Variants in SYN3 observed in about 807,000 individuals in gnomAD.
SYN3 encodes synapsin III.
Under a neutral mutation model 65.8 loss-of-function variants are expected in SYN3, and 35 were observed. The observed-to-expected ratio is 0.53, with a 90% CI of 0.41 to 0.70. SYN3 has a LOEUF of 0.70. Ranked by LOEUF, SYN3 falls within the 30% of genes least tolerant of loss-of-function variation. The pLI is 0.00. For missense variants in SYN3, 680 were observed against 749.0 expected (o/e 0.91, Z 1.08); for synonymous variants, 270 against 292.9 (o/e 0.92, Z 0.80).
intron 1 of SYN3, among the ~76,000 whole-genome samples, chr22:33,027,576 G>A (rs2053659166): frequency 2.0e-5 from 3 of 151,738 alleles, no homozygotes; most frequent in Admixed American, 2.0e-4. Context: ...CAGCCTGGGC[G>A]ACAGAGTGAG....
chr22:32,654,986 A>G (rs1306391277), intron 6 of SYN3, among the ~76,000 whole-genome samples: 1 of 152,260 alleles, frequency 6.6e-6, no homozygotes, highest in African/African-American at 2.4e-5. Flanking sequence ...CAGGGCAAGC[A>G]TAGAATAATG....
At chr22:32,779,488 T>C (rs910795387) in intron 6 of SYN3, among the ~76,000 whole-genome samples, 2 of 151,780 alleles carry the variant, frequency 1.3e-5, no homozygotes, top group African/African-American at 4.9e-5. Flanking sequence ...AACAAATCTA[T>C]GAAGCAACCA....
intron 1 of SYN3, among the ~76,000 whole-genome samples, chr22:33,047,208 C>G (rs964136693): frequency 6.6e-6 from 1 of 152,082 alleles, no homozygotes; most frequent in Admixed American, 6.6e-5. Context: ...TATTTTCTAC[C>G]TTTCCTCTGA....
chr22:32,840,695 C>T (rs185561234), intron 6 of SYN3, among the ~76,000 whole-genome samples: 21 of 152,242 alleles, frequency 1.4e-4, no homozygotes, highest in Admixed American at 5.2e-4. Context: ...TGGATTCAGA[C>T]GCAGCAAACT....
At chr22:32,997,416 T>A (rs1043809590) in intron 2 of SYN3, among the ~76,000 whole-genome samples, 1 of 152,292 alleles carries the variant, frequency 6.6e-6, no homozygotes, top group Middle Eastern at 3.4e-3. Context: ...ACTGAAGCAG[T>A]AGCAGTGGTC....
At chr22:32,758,059 A>T (rs908380540) in intron 6 of SYN3, among the ~76,000 whole-genome samples, 2 of 152,216 alleles carry the variant, frequency 1.3e-5, no homozygotes, top group African/African-American at 4.8e-5. Flanking sequence ...ACTTGTACTA[A>T]GAAAATATTT....
rs143429031 is a variant in SYN3, at chr22:33,041,064, G to A, written c.-163+17228C>T. Among the ~76,000 whole-genome samples, 986 of 151,570 alleles carry A rather than the reference G, an allele frequency of 6.5e-3. 12 individuals are homozygous for A. Among genetic ancestry groups the A allele is most frequent in the Admixed American group, 0.037 (559 of 15,206 alleles). ...CGAGTAGCTGGGATTACAGGCATGC[G>A]CCACCATCCCCAGCTAATTTTCTTT... On this transcript the variant is annotated intron_variant, in intron 1 of 13. Transcript: ENST00000358763.
intron 1 of SYN3, among the ~76,000 whole-genome samples, chr22:33,042,428 T>A (rs550439073): frequency 2.0e-5 from 3 of 152,316 alleles, no homozygotes; most frequent in African/African-American, 7.2e-5. Context: ...ACACGTATAT[T>A]TCATCATTTG....
At chr22:32,907,006 C>A (rs1224995648) in intron 4 of SYN3, among the ~76,000 whole-genome samples, 1 of 152,076 alleles carries the variant, frequency 6.6e-6, no homozygotes, top group African/African-American at 2.4e-5. Context: ...GATTTATAAT[C>A]CTTTGGGTGT....
intron 1 of SYN3, chr22:33,014,303 G>T (rs537355050): frequency 3.9e-5 from 6 of 152,262 alleles, no homozygotes; most frequent in Admixed American, 3.9e-4. Context: ...TGGGCACCTA[G>T]GTTAGTTCCA....
chr22:32,961,847 G>A (rs539951651), intron 3 of SYN3, among the ~76,000 whole-genome samples: 3 of 152,300 alleles, frequency 2.0e-5, no homozygotes, highest in East Asian at 1.9e-4. Flanking sequence ...AATTCTCAAC[G>A]TGTGCTGGAC....
At chr22:32,640,970 A>C (rs558395989) in intron 6 of SYN3, among the ~76,000 whole-genome samples, 7 of 152,352 alleles carry the variant, frequency 4.6e-5, no homozygotes, top group Non-Finnish European at 8.8e-5. Context: ...GCTTCAAGTC[A>C]GAAGGCTCTG....
intron 6 of SYN3, among the ~76,000 whole-genome samples, chr22:32,604,978 C>G (rs1326674003): frequency 1.3e-5 from 2 of 148,274 alleles, no homozygotes; most frequent in Non-Finnish European, 3.0e-5. Flanking sequence ...TGCACACCAG[C>G]CTGGGCGATA....
At chr22:32,527,874 C>A in intron 12 of SYN3, 44 bp downstream of exon 12, 1 of 1,521,846 alleles carries the variant, frequency 6.6e-7, no homozygotes, top group Admixed American at 1.9e-5. Flanking sequence ...CATTTCAGCA[C>A]CCTCACTGCA....
chr22:33,034,552 T>C (rs867408700), intron 1 of SYN3, among the ~76,000 whole-genome samples: 2 of 152,058 alleles, frequency 1.3e-5, no homozygotes, highest in Admixed American at 6.5e-5. Flanking sequence ...GGCCAGTATG[T>C]ACTACTTTCT....
chr22:32,917,750 C>G (rs2050223686), intron 4 of SYN3, among the ~76,000 whole-genome samples: 1 of 152,274 alleles, frequency 6.6e-6, no homozygotes, highest in Non-Finnish European at 1.5e-5. Context: ...CGAGCTCTCT[C>G]TCCCAGGGGA....
chr22:32,847,695 G>T (rs1406559636), intron 6 of SYN3, among the ~76,000 whole-genome samples: 13 of 152,230 alleles, frequency 8.5e-5, no homozygotes, highest in Non-Finnish European at 1.9e-4. Flanking sequence ...AAATGTGTGT[G>T]TGTGTGTTTG....
chr22:32,728,405 T>C (rs548002225), intron 6 of SYN3, among the ~76,000 whole-genome samples: 12 of 152,360 alleles, frequency 7.9e-5, no homozygotes, highest in Admixed American at 7.8e-4. Context: ...CATCAGCTCC[T>C]TCCTGTCTTA....
At chr22:32,861,525 A>G (rs764334912) in intron 6 of SYN3, 2 of 152,332 alleles carry the variant, frequency 1.3e-5, no homozygotes, top group African/African-American at 4.8e-5. Context: ...CCCTCCCACA[A>G]GTGGACATCA....
Sources: gnomAD v4.1 joint callset for allele counts (sites outside exome capture counted in the v4.1 genomes callset) on GRCh38, gnomAD v4.1.1 for gene constraint, MANE v1.5 for transcripts, NCBI Gene and HGNC (gene_info 2026-07-23, HGNC 2026-07-21) for gene names.